Variants in TRDN observed in about 807,000 individuals in gnomAD.
The protein encoded by TRDN is triadin in skeletal muscle.
Under a neutral mutation model 149.7 loss-of-function variants are expected in TRDN, and 161 were observed. The observed-to-expected ratio is 1.08, with a 90% CI of 0.95 to 1.23. The LOEUF (loss-of-function observed/expected upper bound fraction) is 1.23, where lower values mean the gene tolerates loss of function less well. Ranked by LOEUF, TRDN falls within the 50% of genes most tolerant of loss-of-function variation. The probability of loss-of-function intolerance (pLI) is 0.00; values close to 1 mark genes in which losing one functional copy is unlikely to be tolerated. For synonymous variants in TRDN, 294 were observed against 250.5 expected, an observed-to-expected ratio of 1.17 and a Z score of -1.64; for missense variants, 896 against 823.5, an observed-to-expected ratio of 1.09 and a Z score of -1.08.
chr6:123,382,809 T>C (rs566604742), intron 14 of TRDN, among the ~76,000 whole-genome samples: 3 of 152,102 alleles, frequency 2.0e-5, no homozygotes, highest in South Asian at 4.1e-4. Flanking sequence ...AATTTATTAT[T>C]TTCTATTATT....
intron 12 of TRDN, among the ~76,000 whole-genome samples, chr6:123,401,982 A>G (rs1210083341): frequency 6.6e-6 from 1 of 151,968 alleles, no homozygotes; most frequent in Non-Finnish European, 1.5e-5. Context: ...AAGGAGAGAT[A>G]AGGTGTAGAG....
At chr6:123,358,265 G>A (rs1475169930) in intron 20 of TRDN, among the ~76,000 whole-genome samples, 1 of 152,104 alleles carries the variant, frequency 6.6e-6, no homozygotes, top group Non-Finnish European at 1.5e-5. Context: ...AACACACTTG[G>A]TATGTAATGC....
intron 23 of TRDN, among the ~76,000 whole-genome samples, chr6:123,323,011 A>G (rs1174893577): frequency 6.6e-6 from 1 of 152,088 alleles, no homozygotes. Flanking sequence ...TTGGAGCCTC[A>G]CTGCCTAGAA....
intron 10 of TRDN, among the ~76,000 whole-genome samples, chr6:123,445,482 C>T (rs1775265602): frequency 8.4e-6 from 1 of 119,512 alleles, no homozygotes; most frequent in South Asian, 2.8e-4. Context: ...TCGCAACCTA[C>T]TCATCTGACA....
At chr6:123,551,477 G>A (rs991762216) in intron 2 of TRDN, among the ~76,000 whole-genome samples, 2 of 150,954 alleles carry the variant, frequency 1.3e-5, no homozygotes, top group Admixed American at 6.6e-5. Flanking sequence ...ATTATTCAAC[G>A]CAAACTAAAA....
chr6:123,369,632 A>G (rs1002510591), intron 19 of TRDN, among the ~76,000 whole-genome samples: 2 of 152,188 alleles, frequency 1.3e-5, no homozygotes, highest in Admixed American at 6.5e-5. Context: ...ATCCTACAAC[A>G]TAAAAGTAAG....
In TRDN at chr6:123,442,566, A is replaced by AG. The variant is rs1392162468; in HGVS notation, c.932-3564_932-3563insC. Among the ~76,000 whole-genome samples, 14 of 151,160 alleles carry AG rather than the reference A, an allele frequency of 9.3e-5. 1 individual carries two copies. In the South Asian group the frequency reaches 2.9e-3, roughly 32 times the overall value. ...GTCTCAAAAAAAAAAAAAAAAGAAA[A>AG]AAAAAAAAAGTCTACCTTGCTTACT... On this transcript the variant is annotated intron_variant, in intron 10 of 40. Coordinates refer to ENST00000334268, the MANE Select transcript of TRDN (RefSeq NM_006073.4).
intron 2 of TRDN, among the ~76,000 whole-genome samples, chr6:123,555,903 ATTT>A (rs1400107306): frequency 6.6e-6 from 1 of 152,188 alleles, no homozygotes; most frequent in African/African-American, 2.4e-5. Flanking sequence ...GCATTTGATA[ATTT>A]TGTTTACAGT....
intron 12 of TRDN, among the ~76,000 whole-genome samples, chr6:123,423,078 G>A (rs1021645971): frequency 1.4e-4 from 22 of 152,064 alleles, no homozygotes; most frequent in Middle Eastern, 3.2e-3. Context: ...GGGCTGTCTC[G>A]CTGTGTTTAT....
intron 9 of TRDN, among the ~76,000 whole-genome samples, chr6:123,466,774 T>C (rs2114718374): frequency 6.6e-6 from 1 of 152,200 alleles, no homozygotes; most frequent in South Asian, 2.1e-4. Flanking sequence ...ACTTTTAAAA[T>C]ATGAGTGTCC....
intron 4 of TRDN, among the ~76,000 whole-genome samples, chr6:123,537,978 A>G (rs1011036420): frequency 6.6e-6 from 1 of 152,196 alleles, no homozygotes; most frequent in African/African-American, 2.4e-5. Context: ...TTCTCTATTA[A>G]TATGGCAAAC....
At chr6:123,226,385 C>T (rs780596378) in intron 38 of TRDN, among the ~76,000 whole-genome samples, 18 of 151,794 alleles carry the variant, frequency 1.2e-4, no homozygotes, top group Admixed American at 6.6e-5. Flanking sequence ...AGGCAAAGTC[C>T]GTGTCCAAAA....
intron 1 of TRDN, among the ~76,000 whole-genome samples, chr6:123,608,416 A>C (rs768182050): frequency 6.6e-6 from 1 of 152,126 alleles, no homozygotes; most frequent in African/African-American, 2.4e-5. Flanking sequence ...CATTTTCACG[A>C]GAGTTGTGTT....
intron 2 of TRDN, among the ~76,000 whole-genome samples, chr6:123,552,178 A>G (rs943460863): frequency 1.3e-5 from 2 of 152,156 alleles, no homozygotes; most frequent in African/African-American, 2.4e-5. Context: ...CCAGAAAAAT[A>G]TACCACTGAA....
chr6:123,338,121 T>C (rs1779941788), intron 21 of TRDN, among the ~76,000 whole-genome samples: 1 of 152,204 alleles, frequency 6.6e-6, no homozygotes, highest in African/African-American at 2.4e-5. Context: ...GACCTTGGAT[T>C]TGAACCACTA....
rs903659268 is a variant in TRDN, at chr6:123,261,370, T to C, written c.1805-732A>G. 2.4e-4 allele frequency among the ~76,000 whole-genome samples: 37 copies of C among 152,034 alleles called. 1 individual carries two copies. Among genetic ancestry groups the C allele is most frequent in the African/African-American group, 8.7e-4 (36 of 41,564 alleles). On this transcript the variant is annotated intron_variant, in intron 33 of 40. Transcript: ENST00000334268. ...TAATAAAAACAAACTCAGTTCATAT[T>C]GACTACAGTCTGATAAGTGATAGAA... is the stretch of plus-strand genomic sequence containing the variant.
chr6:123,269,893 G>C (rs754387087), intron 30 of TRDN, 27 bp from the exon 31 acceptor site: 4 of 1,607,106 alleles, frequency 2.5e-6, no homozygotes, highest in Non-Finnish European at 3.4e-6. Context: ...CAAGCACATG[G>C]CATATTGATG....
At chr6:123,402,142 G>A (rs1219131363) in intron 12 of TRDN, among the ~76,000 whole-genome samples, 1 of 152,166 alleles carries the variant, frequency 6.6e-6, no homozygotes, top group African/African-American at 2.4e-5. Flanking sequence ...TTGGCCTGAG[G>A]CTGTCTTCAC....
chr6:123,265,285 G>A, intron 33 of TRDN, 33 bp downstream of exon 33: 1 of 1,382,458 alleles, frequency 7.2e-7, no homozygotes, highest in South Asian at 1.4e-5. Flanking sequence ...AATGAAATAG[G>A]ACAATTTTAA....
Sources: allele counts gnomAD v4.1 joint callset (sites outside exome capture counted in the v4.1 genomes callset), GRCh38; gene constraint gnomAD v4.1.1; transcripts MANE v1.5; gene names NCBI Gene and HGNC (gene_info 2026-07-23, HGNC 2026-07-21).